PLXDC2: variants seen among roughly 807,000 people sequenced by gnomAD.
PLXDC2 encodes plexin domain-containing protein 2.
In PLXDC2, 40 loss-of-function variants were observed where a neutral mutation model predicts 68.9. The observed-to-expected ratio is 0.58, with a 90% CI of 0.45 to 0.76. The LOEUF is 0.76. Among genes scored for constraint, PLXDC2 ranks in the 30% least tolerant of loss-of-function variants. The pLI, the probability that PLXDC2 is intolerant of heterozygous loss-of-function variation, is 0.00. For synonymous variants in PLXDC2, 243 were observed against 234.2 expected, an observed-to-expected ratio of 1.04 and a Z score of -0.34; for missense variants, 644 against 661.9, an observed-to-expected ratio of 0.97 and a Z score of 0.30.
chr10:20,189,502 T>TATATATAC (rs1347881382), intron 9 of PLXDC2, among the ~76,000 whole-genome samples: 3 of 123,022 alleles, frequency 2.4e-5, no homozygotes, highest in Admixed American at 8.8e-5. Context: ...TATATATATA[T>TATATATAC]ATACACATAC....
intron 6 of PLXDC2, among the ~76,000 whole-genome samples, chr10:20,151,181 C>T (rs558789949): frequency 6.6e-6 from 1 of 152,072 alleles, no homozygotes; most frequent in African/African-American, 2.4e-5. Context: ...TAAAATTTGT[C>T]GTAAGAGAGT....
At chr10:19,933,914 AAAGG>A (rs1833682638) in intron 1 of PLXDC2, among the ~76,000 whole-genome samples, 1 of 151,868 alleles carries the variant, frequency 6.6e-6, no homozygotes, top group Non-Finnish European at 1.5e-5. Context: ...AAGGAAAGAG[AAAGG>A]AAGGAAGGAC....
intron 1 of PLXDC2, among the ~76,000 whole-genome samples, chr10:19,928,288 C>A (rs1339728307): frequency 6.6e-6 from 1 of 152,106 alleles, no homozygotes; most frequent in Non-Finnish European, 1.5e-5. Flanking sequence ...ATAGTGACTT[C>A]TTTTCCAATG....
chr10:20,216,574 ATATT>A (rs1835141158), intron 10 of PLXDC2, among the ~76,000 whole-genome samples: 1 of 152,294 alleles, frequency 6.6e-6, no homozygotes, highest in African/African-American at 2.4e-5. Context: ...TTTAAGAATG[ATATT>A]TATTTAACAA....
In PLXDC2 at chr10:19,837,385, T is replaced by TGAGAGA. The variant is rs149222127; in HGVS notation, c.112+20214_112+20219dup. ...TTGCTCTGTTTTCTCATTGAGTAAG[T>TGAGAGA]GAGAGAGAGAGAGAGAGAGAGAGAG... On this transcript the variant is annotated intron_variant, in intron 1 of 13. Coordinates refer to ENST00000377252, the MANE Select transcript of PLXDC2 (RefSeq NM_032812.9). Among the ~76,000 whole-genome samples, 17 of 139,292 alleles carry TGAGAGA rather than the reference T, an allele frequency of 1.2e-4. No homozygotes were observed. In the East Asian group the frequency reaches 2.3e-3, roughly 19 times the overall value. 91.4% of individuals were successfully genotyped at this position (139,292 alleles called of 152,430 possible).
At chr10:19,863,473 C>T (rs1315862509) in intron 1 of PLXDC2, among the ~76,000 whole-genome samples, 1 of 152,142 alleles carries the variant, frequency 6.6e-6, no homozygotes, top group African/African-American at 2.4e-5. Context: ...GTATATTAGA[C>T]AGAACATCCT....
At chr10:19,933,292 A>G (rs548368639) in intron 1 of PLXDC2, among the ~76,000 whole-genome samples, 7 of 152,320 alleles carry the variant, frequency 4.6e-5, no homozygotes, top group Admixed American at 4.6e-4. Flanking sequence ...AGAAAAGTTA[A>G]TTTCAACTAC....
chr10:19,885,948 A>G (rs964428151), intron 1 of PLXDC2, among the ~76,000 whole-genome samples: 4 of 151,954 alleles, frequency 2.6e-5, no homozygotes, highest in Non-Finnish European at 5.9e-5. Flanking sequence ...CTTGGGCAGT[A>G]TGGCCATTTT....
chr10:19,859,942 G>A (rs893992820), intron 1 of PLXDC2, among the ~76,000 whole-genome samples: 2 of 152,088 alleles, frequency 1.3e-5, no homozygotes, highest in African/African-American at 4.8e-5. Context: ...ATGTTGTGCA[G>A]GCTGCTCAAA....
At chr10:19,950,736 A>G (rs1359163064) in intron 1 of PLXDC2, among the ~76,000 whole-genome samples, 1 of 152,184 alleles carries the variant, frequency 6.6e-6, no homozygotes, top group Non-Finnish European at 1.5e-5. Flanking sequence ...ACATCACATT[A>G]CTTGACTTCA....
intron 1 of PLXDC2, among the ~76,000 whole-genome samples, chr10:19,828,766 AT>A (rs972035536): frequency 2.0e-5 from 3 of 150,030 alleles, no homozygotes; most frequent in African/African-American, 4.9e-5. Flanking sequence ...TAAGAAGCTG[AT>A]TTTTTTTTTA....
chr10:20,033,194 A>T lies in PLXDC2; in HGVS notation c.325-13675A>T, dbSNP rs947972342. Among the ~76,000 whole-genome samples the T allele has an allele frequency of 1.5e-3, 215 of 145,836 alleles. 1 individual carries two copies. Among genetic ancestry groups the T allele is most frequent in the East Asian group, 1.9e-4 (1 of 5,158 alleles). ...ACTTAAAGTATAATAAAAAATATAT[A>T]AAAAAATAAAATAAAAAAATAAAAT... On this transcript the variant is annotated intron_variant, in intron 2 of 13. Coordinates refer to ENST00000377252, the MANE Select transcript of PLXDC2 (RefSeq NM_032812.9).
intron 1 of PLXDC2, among the ~76,000 whole-genome samples, chr10:20,000,266 G>A (rs1402595224): frequency 7.2e-6 from 1 of 138,464 alleles, no homozygotes; most frequent in African/African-American, 2.7e-5. Flanking sequence ...TTATGTACAT[G>A]AGTTTTTTTT....
intron 4 of PLXDC2, among the ~76,000 whole-genome samples, chr10:20,072,459 G>GAAGA (rs1192200562): frequency 1.1e-4 from 13 of 116,980 alleles, no homozygotes; most frequent in Non-Finnish European, 1.8e-4. Context: ...GAAAGAAAAA[G>GAAGA]AAGAAAGAAA....
intron 1 of PLXDC2, among the ~76,000 whole-genome samples, chr10:19,884,284 A>C (rs892639491): frequency 6.6e-6 from 1 of 152,180 alleles, no homozygotes; most frequent in Non-Finnish European, 1.5e-5. Context: ...TCAGAAATTA[A>C]AGATGAGAGT....
At position 20,062,324 on chromosome 10, in the gene PLXDC2, T is replaced by C. The variant is rs185811288; in HGVS notation, c.472-5846T>C. ...GTGTAGTCCCAGCTACTAGGGAGGC[T>C]GAGGCGGGAGAATCACTTGAACTTG... On this transcript the variant is annotated intron_variant, in intron 3 of 13. Coordinates refer to ENST00000377252, the MANE Select transcript of PLXDC2 (RefSeq NM_032812.9). 7.9e-5 allele frequency among the ~76,000 whole-genome samples: 12 copies of C among 152,262 alleles called. No individual in the cohort carries two copies. The East Asian group carries it at 2.1e-3, about 27-fold the overall frequency.
intron 4 of PLXDC2, among the ~76,000 whole-genome samples, chr10:20,137,847 A>G (rs140548256): frequency 4.0e-4 from 61 of 152,250 alleles, no homozygotes; most frequent in African/African-American, 1.4e-3. Context: ...CCCACATTCC[A>G]AAGATGTGCA....
intron 4 of PLXDC2, among the ~76,000 whole-genome samples, chr10:20,082,810 T>G (rs1466309664): frequency 6.6e-6 from 1 of 152,128 alleles, no homozygotes; most frequent in Non-Finnish European, 1.5e-5. Flanking sequence ...TTTGGACAGG[T>G]TAAATAAACT....
At chr10:19,853,160 G>A (rs1370929610) in intron 1 of PLXDC2, among the ~76,000 whole-genome samples, 1 of 152,136 alleles carries the variant, frequency 6.6e-6, no homozygotes, top group African/African-American at 2.4e-5. Context: ...ATCTAATGTG[G>A]AACCATTTAT....
Sources: gnomAD v4.1 joint callset for allele counts (sites outside exome capture counted in the v4.1 genomes callset) on GRCh38, gnomAD v4.1.1 for gene constraint, MANE v1.5 for transcripts, NCBI Gene and HGNC (gene_info 2026-07-23, HGNC 2026-07-21) for gene names.